The following TMEM91 variants were observed in gnomAD, a reference collection of about 807,000 sequenced individuals.
TMEM91 encodes dispanin subfamily C member 3.
In TMEM91, 6 loss-of-function variants were observed where a neutral mutation model predicts 13.3. The observed-to-expected ratio is 0.45, with a 90% CI of 0.25 to 0.89. TMEM91 has a LOEUF of 0.89. TMEM91 is among the 40% of genes least tolerant of loss of function. The probability of loss-of-function intolerance (pLI) is 0.19; values close to 1 mark genes in which losing one functional copy is unlikely to be tolerated. For synonymous variants in TMEM91, 87 were observed against 101.7 expected (o/e 0.86, Z 0.87); for missense variants, 193 against 228.7 (o/e 0.84, Z 1.01).
At chr19:41,375,380 G>A (rs1281074572), upstream of TMEM91, among the ~76,000 whole-genome samples, 1 of 129,156 alleles carries the variant, frequency 7.7e-6, no homozygotes, top group Non-Finnish European at 1.6e-5. Context: ...CCGGGTCCAC[G>A]CCATTCTCCT....
intron 3 of TMEM91, 195 bp downstream of exon 3, chr19:41,383,116 C>A: frequency 1.4e-6 from 1 of 699,100 alleles, no homozygotes; most frequent in Non-Finnish European, 2.3e-6. Flanking sequence ...TGCAGTGGTA[C>A]AATCTCGGCT....
chr19:41,382,118 C>T lies in TMEM91; in HGVS notation c.211-654C>T, dbSNP rs139581508. 9.5e-3 allele frequency among the ~76,000 whole-genome samples: 1,437 copies of T among 152,038 alleles called. 17 individuals carry two copies. Among genetic ancestry groups the T allele is most frequent in the Non-Finnish European group, 0.015 (1,044 of 67,970 alleles). On this transcript the variant is annotated intron_variant, in intron 2 of 3. Transcript: ENST00000392002. ...TCGACCTCAGGTGATCCACCCACCT[C>T]GGTCTCCCAAAGTGCTGGGATTACA...
At chr19:41,375,066 G>A (rs2038686290), upstream of TMEM91, among the ~76,000 whole-genome samples, 1 of 151,888 alleles carries the variant, frequency 6.6e-6, no homozygotes, top group African/African-American at 2.4e-5. Context: ...TGTACCACGT[G>A]ACAATCAGAG....
intron 1 of TMEM91, among the ~76,000 whole-genome samples, chr19:41,365,712 T>G (rs1408959223): frequency 7.3e-6 from 1 of 136,664 alleles, no homozygotes; most frequent in Admixed American, 7.4e-5. Context: ...GCCGGGTTTT[T>G]TTTTTTTTTT....
Position 41,382,576 on chromosome 19 carries a change from T to C in TMEM91, c.211-196T>C, listed in dbSNP as rs181037925. Among the ~76,000 whole-genome samples, 987 of 152,314 alleles carry C rather than the reference T, an allele frequency of 6.5e-3. 4 individuals carry two copies. The highest frequency in any genetic ancestry group is 0.01 in the Non-Finnish European group (689 of 68,032). ...AGGCAGTGAGCCGAGACTGTGCCAT[T>C]GTACCCCAGCCTGGGTGACAGAGCA... On this transcript the variant is annotated intron_variant, in intron 2 of 3. Coordinates refer to ENST00000392002, the MANE Select transcript of TMEM91 (RefSeq NM_001098821.2).
intron 1 of TMEM91, among the ~76,000 whole-genome samples, chr19:41,364,324 G>T (rs1207752288): frequency 6.6e-6 from 1 of 152,218 alleles, no homozygotes; most frequent in African/African-American, 2.4e-5. Context: ...TTTGGGCGTG[G>T]CTAGGAAGCT....
chr19:41,370,277 A>G (rs1009009028), intron 1 of TMEM91, among the ~76,000 whole-genome samples: 2 of 151,998 alleles, frequency 1.3e-5, no homozygotes, highest in South Asian at 2.1e-4. Flanking sequence ...GGGTTTCTCC[A>G]TGTTGGTCAG....
intron 3 of TMEM91, chr19:41,383,442 A>C: frequency 8.5e-7 from 1 of 1,173,890 alleles, no homozygotes; most frequent in Non-Finnish European, 1.1e-6. Flanking sequence ...CTCTGGGTCA[A>C]TGTGAGAATC....
At chr19:41,366,517 C>G (rs2038530249) in intron 1 of TMEM91, among the ~76,000 whole-genome samples, 2 of 152,144 alleles carry the variant, frequency 1.3e-5, no homozygotes, top group Admixed American at 6.5e-5. Flanking sequence ...TAAGTCAGGT[C>G]CCATCTGCTC....
chr19:41,381,358 ATTT>A (rs34434786), intron 2 of TMEM91, among the ~76,000 whole-genome samples: 19 of 112,824 alleles, frequency 1.7e-4, no homozygotes, highest in African/African-American at 4.4e-4. Flanking sequence ...TGCCTAGCTA[ATTT>A]TTTTTTTTTT....
chr19:41,375,367 C>T (rs549210566), upstream of TMEM91, among the ~76,000 whole-genome samples: 2 of 148,144 alleles, frequency 1.4e-5, no homozygotes, highest in African/African-American at 2.5e-5. Context: ...CAAGCTCCGC[C>T]TCCCGGGTCC....
intron 2 of TMEM91, among the ~76,000 whole-genome samples, chr19:41,380,946 C>T (rs963535002): frequency 6.3e-5 from 9 of 143,018 alleles, no homozygotes; most frequent in African/African-American, 1.8e-4. Context: ...ATTAGCTGGC[C>T]GTGGTGGTGG....
Position 41,382,754 on chromosome 19 carries a change from G to C in TMEM91, c.211-18G>C. Reference sequence around the variant, plus strand: ...AAGGTGGATGGAGATGCCCACCTGGGCACTTTCCTGTCCGTAGGACATGTC... The same window carrying C: ...AAGGTGGATGGAGATGCCCACCTGGCCACTTTCCTGTCCGTAGGACATGTC... On this transcript the variant is annotated intron_variant, in intron 2 of 3. Coordinates refer to ENST00000392002, the MANE Select transcript of TMEM91 (RefSeq NM_001098821.2). The C allele has an allele frequency of 2.5e-6, 4 of 1,610,096 alleles. No individual in the cohort carries two copies. Among genetic ancestry groups the C allele is most frequent in the Non-Finnish European group, 3.4e-6 (4 of 1,177,584 alleles).
upstream of TMEM91, among the ~76,000 whole-genome samples, chr19:41,375,224 G>A (rs551154434): frequency 7.1e-6 from 1 of 141,786 alleles, no homozygotes; most frequent in South Asian, 2.2e-4. Flanking sequence ...GGTACCAGCT[G>A]TTTACTGTGG....
At chr19:41,381,560 T>G (rs899435955) in intron 2 of TMEM91, among the ~76,000 whole-genome samples, 2 of 151,982 alleles carry the variant, frequency 1.3e-5, no homozygotes, top group African/African-American at 4.8e-5. Flanking sequence ...GAGACGAGGT[T>G]TCACTGTGTT....
upstream of TMEM91, among the ~76,000 whole-genome samples, chr19:41,374,905 C>T (rs1473565326): frequency 6.6e-6 from 1 of 152,154 alleles, no homozygotes; most frequent in Admixed American, 6.5e-5. Flanking sequence ...ATCGCTTGAA[C>T]CTGGGAGGCG....
upstream of TMEM91, chr19:41,376,364 G>A (rs1342566191): frequency 1.3e-5 from 2 of 152,222 alleles, no homozygotes; most frequent in African/African-American, 4.8e-5. Context: ...TGCCTCTTAG[G>A]GTTGTGCTGA....
upstream of TMEM91, among the ~76,000 whole-genome samples, chr19:41,374,581 T>C (rs748187360): frequency 6.6e-6 from 1 of 152,168 alleles, no homozygotes; most frequent in Non-Finnish European, 1.5e-5. Context: ...ACTCTACATA[T>C]GTTATCACAT....
At chr19:41,375,482 G>A (rs1202561843), upstream of TMEM91, among the ~76,000 whole-genome samples, 1 of 150,994 alleles carries the variant, frequency 6.6e-6, no homozygotes, top group Non-Finnish European at 1.5e-5. Context: ...GTTTCACCGT[G>A]TCAGCCAGGA....
Sources: allele counts gnomAD v4.1 joint callset (sites outside exome capture counted in the v4.1 genomes callset), GRCh38; gene constraint gnomAD v4.1.1; transcripts MANE v1.5; gene names NCBI Gene and HGNC (gene_info 2026-07-23, HGNC 2026-07-21).